The following RPSA2 variants were observed in gnomAD, a reference collection of about 807,000 sequenced individuals.
The protein encoded by RPSA2 is small ribosomal subunit protein uS2B.
At chr19:23,818,977 T>C in the RPSA2 span, 4,569 of 152,182 alleles carry the variant, frequency 0.03, 127 homozygotes, top group Non-Finnish European at 0.039. Flanking sequence ...GTCAGTGCAG[T>C]GGGGGCATCC....
chr19:23,780,473 C>T, the RPSA2 span, among the ~76,000 whole-genome samples: 1 of 152,096 alleles, frequency 6.6e-6, no homozygotes, highest in Non-Finnish European at 1.5e-5. Context: ...GAAACCCCAT[C>T]TGTACTAAAA....
At chr19:23,812,144 G>T in the RPSA2 span, among the ~76,000 whole-genome samples, 1 of 151,810 alleles carries the variant, frequency 6.6e-6, no homozygotes, top group East Asian at 1.9e-4. Flanking sequence ...CTATATTGTG[G>T]TTTTTTACTA....
the RPSA2 span, among the ~76,000 whole-genome samples, chr19:23,859,112 C>T: frequency 6.6e-6 from 1 of 152,118 alleles, no homozygotes; most frequent in Non-Finnish European, 1.5e-5. Context: ...GGTATTTACC[C>T]CAGACAAGTG....
the RPSA2 span, among the ~76,000 whole-genome samples, chr19:23,841,584 A>G: frequency 6.6e-6 from 1 of 152,190 alleles, no homozygotes; most frequent in Non-Finnish European, 1.5e-5. Flanking sequence ...TCAGGTTCCA[A>G]CCCAATCGGA....
chr19:23,848,143 G>T, the RPSA2 span, among the ~76,000 whole-genome samples: 2 of 152,322 alleles, frequency 1.3e-5, no homozygotes, highest in East Asian at 1.9e-4. Flanking sequence ...ACAGGATTAA[G>T]AGATTAAAGT....
the RPSA2 span, among the ~76,000 whole-genome samples, chr19:23,761,410 A>G: frequency 6.6e-6 from 1 of 152,132 alleles, no homozygotes; most frequent in Non-Finnish European, 1.5e-5. Flanking sequence ...TGTTACAACC[A>G]AATTATGAGC....
At chr19:23,812,598 C>G in the RPSA2 span, among the ~76,000 whole-genome samples, 6 of 152,068 alleles carry the variant, frequency 3.9e-5, no homozygotes, top group Non-Finnish European at 7.4e-5. Context: ...GGGGTTTCTC[C>G]ATGTTGGTTA....
chr19:23,868,489 G>A, the RPSA2 span, among the ~76,000 whole-genome samples: 1 of 150,176 alleles, frequency 6.7e-6, no homozygotes, highest in Non-Finnish European at 1.5e-5. Flanking sequence ...CACATCAAAC[G>A]TTACAACGCA....
chr19:23,795,184 C>T, the RPSA2 span, among the ~76,000 whole-genome samples: 1 of 52,216 alleles, frequency 1.9e-5, no homozygotes, highest in African/African-American at 6.4e-5. Context: ...ATGAATTTTA[C>T]AATAGTTTTT....
the RPSA2 span, among the ~76,000 whole-genome samples, chr19:23,870,103 G>C: frequency 6.6e-6 from 1 of 152,142 alleles, no homozygotes; most frequent in Admixed American, 6.5e-5. Context: ...TTGGCACTTT[G>C]TGAAACTTCT....
chr19:23,857,886 T>C, the RPSA2 span, among the ~76,000 whole-genome samples: 6 of 152,128 alleles, frequency 3.9e-5, no homozygotes, highest in African/African-American at 1.2e-4. Flanking sequence ...GAATAAACCT[T>C]GCTTATCTGT....
At chr19:23,793,501 G>A in the RPSA2 span, among the ~76,000 whole-genome samples, 13 of 151,884 alleles carry the variant, frequency 8.6e-5, no homozygotes, top group Admixed American at 4.6e-4. Context: ...TGTTGCCTAG[G>A]CTGAAGTGCA....
At chr19:23,832,285 C>A in the RPSA2 span, 3 of 452,890 alleles carry the variant, frequency 6.6e-6, no homozygotes, top group South Asian at 1.7e-5. Flanking sequence ...TAAGAGAATT[C>A]ATACTAGAGG....
At chr19:23,840,986 A>C in the RPSA2 span, among the ~76,000 whole-genome samples, 1 of 141,710 alleles carries the variant, frequency 7.1e-6, no homozygotes, top group Non-Finnish European at 1.5e-5. Context: ...AAAAAAAAAA[A>C]GACAAAACAT....
the RPSA2 span, among the ~76,000 whole-genome samples, chr19:23,764,379 A>G: frequency 2.0e-5 from 3 of 152,154 alleles, no homozygotes; most frequent in Non-Finnish European, 4.4e-5. Context: ...ACTATCAACT[A>G]TTTGTCCTTT....
the RPSA2 span, chr19:23,832,702 A>G: frequency 6.6e-7 from 1 of 1,511,764 alleles, no homozygotes. Context: ...GAGGATGCAC[A>G]CTGGAGAGAA....
At chr19:23,838,965 A>T in the RPSA2 span, among the ~76,000 whole-genome samples, 1 of 151,420 alleles carries the variant, frequency 6.6e-6, no homozygotes, top group South Asian at 2.1e-4. Flanking sequence ...TTCTGCTCTG[A>T]TCTTGATTAT....
the RPSA2 span, among the ~76,000 whole-genome samples, chr19:23,839,115 A>G: frequency 1.8e-4 from 27 of 152,276 alleles, no homozygotes; most frequent in South Asian, 8.3e-4. Flanking sequence ...GCTGTATCCC[A>G]GAGGTTTTGA....
the RPSA2 span, among the ~76,000 whole-genome samples, chr19:23,831,330 C>G: frequency 1.5e-4 from 23 of 152,214 alleles, no homozygotes; most frequent in African/African-American, 5.1e-4. Context: ...GCAGGAAAAG[C>G]TGTGTTGGGT....
Sources: gnomAD v4.1 joint callset for allele counts (sites outside exome capture counted in the v4.1 genomes callset) on GRCh38, gnomAD v4.1.1 for gene constraint, MANE v1.5 for transcripts, NCBI Gene and HGNC (gene_info 2026-07-23, HGNC 2026-07-21) for gene names.